Variants in VRK2 observed in about 807,000 individuals in gnomAD.
VRK2 encodes VRK serine/threonine kinase 2.
A neutral mutation model predicts 57.6 loss-of-function variants in VRK2; 60 were observed. That is an observed-to-expected ratio of 1.04 (90% CI 0.85 to 1.29). The LOEUF (loss-of-function observed/expected upper bound fraction) is 1.29. Among genes scored for constraint, VRK2 ranks in the 50% most tolerant of loss-of-function variants. VRK2 has a pLI of 0.00. For missense variants in VRK2, 705 were observed against 588.1 expected, an observed-to-expected ratio of 1.20 and a Z score of -2.06; for synonymous variants, 231 against 199.2, an observed-to-expected ratio of 1.16 and a Z score of -1.35.
chr2:58,015,719 AT>A (rs941407409), intron 1 of VRK2, among the ~76,000 whole-genome samples: 14 of 151,586 alleles, frequency 9.2e-5, no homozygotes, highest in Non-Finnish European at 1.6e-4. Context: ...TTTGACAAGA[AT>A]TTTTTTTTGG....
At chr2:58,131,752 C>T in intron 8 of VRK2, 56 bp from the exon 9 acceptor site, 2 of 1,495,004 alleles carry the variant, frequency 1.3e-6, no homozygotes, top group African/African-American at 2.8e-5. Flanking sequence ...AAGATTTCTC[C>T]ATTTCTCAAG....
chr2:57,908,840 A>G (rs2103877732), intron 1 of VRK2, among the ~76,000 whole-genome samples: 1 of 152,288 alleles, frequency 6.6e-6, no homozygotes, highest in East Asian at 1.9e-4. Flanking sequence ...TAGTGACCTA[A>G]GGGTTGCTGG....
At chr2:57,953,749 C>A (rs1030151843) in intron 1 of VRK2, among the ~76,000 whole-genome samples, 5 of 151,758 alleles carry the variant, frequency 3.3e-5, no homozygotes, top group African/African-American at 1.2e-4. Flanking sequence ...CACTAAGATG[C>A]CCAGAATGAA....
intron 7 of VRK2, among the ~76,000 whole-genome samples, chr2:58,102,009 T>A (rs767064583): frequency 6.6e-6 from 1 of 151,720 alleles, no homozygotes; most frequent in Non-Finnish European, 1.5e-5. Flanking sequence ...CTGGATATAC[T>A]GTATATAGCC....
rs1231159019 is a variant in VRK2, at chr2:58,095,293, C to CAAAAAAA, written c.543+5583_543+5589dup. On this transcript the variant is annotated intron_variant, in intron 7 of 12. Transcript: ENST00000340157. ...TGGGTGACAGAGCGAGACTCCGTCT[C>CAAAAAAA]AAAAAAAAAAAAAAAAAAATACTTG... Among the ~76,000 whole-genome samples, 151 of 66,630 alleles carry CAAAAAAA rather than the reference C, an allele frequency of 2.3e-3. 1 individual carries two copies. The highest frequency in any genetic ancestry group is 8.0e-3 in the African/African-American group (148 of 18,464). The allele number at this position is 66,630 out of a possible 152,430, so 43.7% of individuals were successfully genotyped here.
intron 1 of VRK2, among the ~76,000 whole-genome samples, chr2:57,997,316 C>T (rs1166454730): frequency 6.6e-6 from 1 of 151,454 alleles, no homozygotes; most frequent in Non-Finnish European, 1.5e-5. Context: ...GTAAATATTA[C>T]CAATATTGGA....
intron 2 of VRK2, among the ~76,000 whole-genome samples, chr2:58,070,306 T>A (rs113957662): frequency 5.3e-5 from 8 of 152,252 alleles, no homozygotes; most frequent in African/African-American, 1.9e-4. Context: ...CACATCAACC[T>A]CTCAAGTAGT....
intron 6 of VRK2, among the ~76,000 whole-genome samples, chr2:58,089,128 G>A (rs1672027853): frequency 6.6e-6 from 1 of 152,160 alleles, no homozygotes; most frequent in African/African-American, 2.4e-5. Flanking sequence ...TAACATGCAA[G>A]GCTGAAGGGC....
At chr2:57,974,113 T>C (rs1672175263) in intron 1 of VRK2, among the ~76,000 whole-genome samples, 1 of 151,898 alleles carries the variant, frequency 6.6e-6, no homozygotes. Context: ...CTGGGAAAGA[T>C]AACAGAAACA....
At chr2:58,153,773 A>G (rs747195175) in intron 12 of VRK2, among the ~76,000 whole-genome samples, 1 of 152,084 alleles carries the variant, frequency 6.6e-6, no homozygotes, top group Non-Finnish European at 1.5e-5. Flanking sequence ...AAGAAAATGT[A>G]TAGAATTGAT....
intron 1 of VRK2, among the ~76,000 whole-genome samples, chr2:57,975,397 C>T (rs1672218801): frequency 6.6e-6 from 1 of 152,028 alleles, no homozygotes; most frequent in African/African-American, 2.4e-5. Flanking sequence ...CTATTGCTGC[C>T]TTAACAAATT....
intron 1 of VRK2, among the ~76,000 whole-genome samples, chr2:57,926,619 TAC>T (rs1670546634): frequency 6.6e-6 from 1 of 151,814 alleles, no homozygotes; most frequent in Non-Finnish European, 1.5e-5. Context: ...GGCCTCTTTT[TAC>T]AGTTTTTGTC....
chr2:58,000,727 C>T (rs1673064402), intron 1 of VRK2, among the ~76,000 whole-genome samples: 1 of 152,188 alleles, frequency 6.6e-6, no homozygotes, highest in Non-Finnish European at 1.5e-5. Flanking sequence ...TTGCTCATTA[C>T]TGCTCATTAG....
At chr2:58,118,929 A>T (rs1394779487) in intron 7 of VRK2, among the ~76,000 whole-genome samples, 1 of 152,112 alleles carries the variant, frequency 6.6e-6, no homozygotes, top group Non-Finnish European at 1.5e-5. Flanking sequence ...GTAGCTTCTG[A>T]GCCAGGAGAA....
At chr2:58,099,732 C>A (rs561104715) in intron 7 of VRK2, among the ~76,000 whole-genome samples, 2 of 152,142 alleles carry the variant, frequency 1.3e-5, no homozygotes, top group African/African-American at 4.8e-5. Context: ...GTCACAGTGC[C>A]TTCTTGATTC....
At chr2:58,023,068 C>T (rs958052502) in intron 1 of VRK2, among the ~76,000 whole-genome samples, 2 of 152,154 alleles carry the variant, frequency 1.3e-5, no homozygotes, top group African/African-American at 4.8e-5. Flanking sequence ...ACATCACCAC[C>T]AACCATCTCG....
upstream of VRK2, among the ~76,000 whole-genome samples, chr2:58,046,157 T>C (rs1017443784): frequency 5.3e-5 from 8 of 152,310 alleles, no homozygotes; most frequent in East Asian, 1.5e-3. Flanking sequence ...TATGAGTCTT[T>C]ATGTATTAGA....
chr2:58,013,253 T>A (rs1673466789), intron 1 of VRK2, among the ~76,000 whole-genome samples: 1 of 152,198 alleles, frequency 6.6e-6, no homozygotes, highest in Non-Finnish European at 1.5e-5. Flanking sequence ...TACCAGTACA[T>A]AACTTGTATG....
At chr2:57,955,675 G>T (rs1276026271) in intron 1 of VRK2, among the ~76,000 whole-genome samples, 1 of 152,012 alleles carries the variant, frequency 6.6e-6, no homozygotes, top group East Asian at 1.9e-4. Flanking sequence ...AGGTTGATAG[G>T]TGCAGCAAAC....
Sources: allele counts gnomAD v4.1 joint callset (sites outside exome capture counted in the v4.1 genomes callset), GRCh38; gene constraint gnomAD v4.1.1; transcripts MANE v1.5; gene names NCBI Gene and HGNC (gene_info 2026-07-23, HGNC 2026-07-21).